ZMAT4: variants seen among roughly 807,000 people sequenced by gnomAD.
ZMAT4 encodes zinc finger matrin-type 4, also known as zinc finger matrin-type protein 4.
In ZMAT4, 17 loss-of-function variants were observed where a neutral mutation model predicts 28.7. That is an observed-to-expected ratio of 0.59 (90% CI 0.41 to 0.89). The LOEUF is 0.89. Ranked by LOEUF, ZMAT4 falls within the 40% of genes least tolerant of loss-of-function variation. The pLI, the probability that ZMAT4 is intolerant of heterozygous loss-of-function variation, is 0.00. For missense variants in ZMAT4, 240 were observed against 283.8 expected (o/e 0.85, Z 1.11); for synonymous variants, 117 against 109.2 (o/e 1.07, Z -0.44).
intron 4 of ZMAT4, among the ~76,000 whole-genome samples, chr8:40,680,238 C>T (rs1809097032): frequency 6.6e-6 from 1 of 152,150 alleles, no homozygotes; most frequent in South Asian, 2.1e-4. Flanking sequence ...TTTACTCTGA[C>T]TTGTTTATCC....
At chr8:40,589,975 T>TTCCTTCCTTCCTTCTTCCCTCCCTC (rs1563354176) in intron 5 of ZMAT4, among the ~76,000 whole-genome samples, 2 of 17,064 alleles carry the variant, frequency 1.2e-4, no homozygotes, top group African/African-American at 5.7e-4. Context: ...CTCCCTCCCT[T>TTCCTTCCTTCCTTCTTCCCTCCCTC]CCTTCCTTCC....
chr8:40,718,395 T>C (rs10091954), intron 3 of ZMAT4, among the ~76,000 whole-genome samples: 44,412 of 152,110 alleles, frequency 0.29, 7,055 homozygotes, highest in Non-Finnish European at 0.36. Context: ...CCAAGCTTAC[T>C]GATCCCATCC....
intron 5 of ZMAT4, among the ~76,000 whole-genome samples, chr8:40,593,940 G>A (rs1804995821): frequency 6.6e-6 from 1 of 152,172 alleles, no homozygotes; most frequent in Non-Finnish European, 1.5e-5. Context: ...CAAATGTTGG[G>A]TTAAGTCCTG....
chr8:40,555,834 A>G (rs1803515366), intron 6 of ZMAT4, among the ~76,000 whole-genome samples: 1 of 152,148 alleles, frequency 6.6e-6, no homozygotes, highest in African/African-American at 2.4e-5. Flanking sequence ...TCCTACTCAC[A>G]GACAGGATTC....
At chr8:40,785,998 C>T (rs1393997398) in intron 2 of ZMAT4, among the ~76,000 whole-genome samples, 4 of 152,138 alleles carry the variant, frequency 2.6e-5, no homozygotes, top group Non-Finnish European at 5.9e-5. Context: ...CTGCCTTCAG[C>T]TCCTTGACAG....
intron 2 of ZMAT4, among the ~76,000 whole-genome samples, chr8:40,778,950 G>T (rs574083924): frequency 1.3e-5 from 2 of 152,252 alleles, no homozygotes; most frequent in African/African-American, 2.4e-5. Context: ...CAACCACCTG[G>T]CTAGAGAAGC....
At chr8:40,650,914 A>G (rs1156604397) in intron 5 of ZMAT4, among the ~76,000 whole-genome samples, 1 of 152,026 alleles carries the variant, frequency 6.6e-6, no homozygotes, top group Non-Finnish European at 1.5e-5. Context: ...TTAGGTATTG[A>G]TGGGACGTAT....
chr8:40,609,116 T>C lies in ZMAT4; in HGVS notation c.578-27855A>G, dbSNP rs559420283. On this transcript the variant is annotated intron_variant, in intron 5 of 6. Transcript: ENST00000297737. Reference sequence around the variant, plus strand: ...GCCATTTTCTGTCATCAGCAACTTTTAATTTTCAATACATTGCAGACCATA... The same window carrying C: ...GCCATTTTCTGTCATCAGCAACTTTCAATTTTCAATACATTGCAGACCATA... Among the ~76,000 whole-genome samples, 66 of 152,338 alleles carry C rather than the reference T, an allele frequency of 4.3e-4. 1 individual carries two copies. In the South Asian group the frequency reaches 0.012, roughly 28 times the overall value.
At chr8:40,798,352 G>A (rs1023162114) in intron 2 of ZMAT4, among the ~76,000 whole-genome samples, 3 of 152,094 alleles carry the variant, frequency 2.0e-5, no homozygotes, top group Admixed American at 6.5e-5. Context: ...GACTGGCATC[G>A]CTCTGTTCCA....
rs148340579 is a variant in ZMAT4, at chr8:40,762,588, C to T, written c.192+5053G>A. Among the ~76,000 whole-genome samples, 172 of 151,938 alleles carry T rather than the reference C, an allele frequency of 1.1e-3. 1 individual carries two copies. The highest frequency in any genetic ancestry group is 3.8e-3 in the African/African-American group (159 of 41,440). ...GGAGGATCCCTTGAGCCTGGGAGTT[C>T]GAGGCTGCAATGAGCTATAATCATG... On this transcript the variant is annotated intron_variant, in intron 3 of 6. Transcript: ENST00000297737.
At chr8:40,607,818 A>G (rs1387976599) in intron 5 of ZMAT4, among the ~76,000 whole-genome samples, 3 of 152,146 alleles carry the variant, frequency 2.0e-5, no homozygotes, top group African/African-American at 7.2e-5. Flanking sequence ...CTAGTCACCC[A>G]GCAGAGCTAC....
At chr8:40,832,287 C>G (rs934874075) in intron 1 of ZMAT4, among the ~76,000 whole-genome samples, 1 of 152,216 alleles carries the variant, frequency 6.6e-6, no homozygotes, top group Admixed American at 6.5e-5. Context: ...CCTCAGTGCT[C>G]AGACTCTCTT....
At chr8:40,761,794 C>T (rs1464776611) in intron 3 of ZMAT4, among the ~76,000 whole-genome samples, 2 of 152,202 alleles carry the variant, frequency 1.3e-5, no homozygotes, top group Non-Finnish European at 2.9e-5. Flanking sequence ...CGACAGAATA[C>T]TTGACACACA....
intron 5 of ZMAT4, among the ~76,000 whole-genome samples, chr8:40,614,937 T>C (rs958586617): frequency 6.6e-6 from 1 of 152,216 alleles, no homozygotes; most frequent in African/African-American, 2.4e-5. Flanking sequence ...TTAAGGTTAA[T>C]ATTGTTATGT....
At chr8:40,618,161 C>T (rs982521846) in intron 5 of ZMAT4, among the ~76,000 whole-genome samples, 8 of 152,160 alleles carry the variant, frequency 5.3e-5, no homozygotes, top group Non-Finnish European at 7.3e-5. Context: ...AGGAAGAGCA[C>T]CATCTTAATA....
In ZMAT4 at chr8:40,607,391, A is replaced by G. The variant is rs890752628; in HGVS notation, c.578-26130T>C. On this transcript the variant is annotated intron_variant, in intron 5 of 6. Transcript: ENST00000297737. The stretch of plus-strand genomic sequence containing the variant: ...CGTGATCTGCCCACTCAGCCTCCCA[A>G]AGTACTGGGATTACAGGCATGAGCC... Among the ~76,000 whole-genome samples, 4 of 151,710 alleles carry G rather than the reference A, an allele frequency of 2.6e-5. No individual in the cohort carries two copies. The South Asian group carries it at 8.3e-4, about 32-fold the overall frequency.
intron 5 of ZMAT4, among the ~76,000 whole-genome samples, chr8:40,640,172 C>T (rs1806957096): frequency 6.6e-6 from 1 of 152,020 alleles, no homozygotes; most frequent in South Asian, 2.1e-4. Flanking sequence ...GAGATGAAGT[C>T]TCCCTAAGCT....
At chr8:40,715,468 T>C (rs2150511922) in intron 3 of ZMAT4, among the ~76,000 whole-genome samples, 1 of 152,320 alleles carries the variant, frequency 6.6e-6, no homozygotes, top group African/African-American at 2.4e-5. Flanking sequence ...AGCCTCTAAA[T>C]ATTAAAAAGG....
intron 3 of ZMAT4, among the ~76,000 whole-genome samples, chr8:40,728,337 G>A (rs866597044): frequency 3.9e-5 from 6 of 152,106 alleles, no homozygotes; most frequent in South Asian, 2.1e-4. Context: ...TAATACTTCC[G>A]TACCTTAACA....
Sources: allele counts gnomAD v4.1 joint callset (sites outside exome capture counted in the v4.1 genomes callset), GRCh38; gene constraint gnomAD v4.1.1; transcripts MANE v1.5; gene names NCBI Gene and HGNC (gene_info 2026-07-23, HGNC 2026-07-21).